The following NR2F1-AS1 variants were observed in gnomAD, a reference collection of about 807,000 sequenced individuals.
The protein encoded by NR2F1-AS1 is NR2F1 antisense RNA 1.
At chr5:93,472,074 C>T (rs1004830906) in intron 4 of NR2F1-AS1, among the ~76,000 whole-genome samples, 1 of 151,690 alleles carries the variant, frequency 6.6e-6, no homozygotes, top group Admixed American at 6.6e-5. Context: ...GGAACTGAAG[C>T]TCAGAGAGAT....
chr5:93,461,562 CAA>C (rs913428058), intron 4 of NR2F1-AS1, among the ~76,000 whole-genome samples: 2 of 151,286 alleles, frequency 1.3e-5, no homozygotes, highest in African/African-American at 2.4e-5. Context: ...AACTGAGTTA[CAA>C]AAAAAATAAG....
upstream of NR2F1-AS1, among the ~76,000 whole-genome samples, chr5:93,581,735 C>CT (rs1753057693): frequency 3.7e-5 from 1 of 26,778 alleles, no homozygotes; most frequent in African/African-American, 3.2e-4. Context: ...TCTCTCTCTC[C>CT]CCCTCTCCCT....
chr5:93,581,854 C>T (rs1183878226), upstream of NR2F1-AS1, among the ~76,000 whole-genome samples: 4 of 39,806 alleles, frequency 1.0e-4, no homozygotes, highest in African/African-American at 2.0e-4. Context: ...TCTCTCTCTC[C>T]TCTCTCTCTC....
intron 4 of NR2F1-AS1, among the ~76,000 whole-genome samples, chr5:93,439,545 C>G (rs1418564529): frequency 6.6e-6 from 1 of 152,230 alleles, no homozygotes; most frequent in Non-Finnish European, 1.5e-5. Flanking sequence ...CCACCCGCCT[C>G]GGCCTCCCAA....
chr5:93,530,075 CTTTTTTT>C (rs1227046832), intron 4 of NR2F1-AS1, among the ~76,000 whole-genome samples: 2 of 97,914 alleles, frequency 2.0e-5, no homozygotes, highest in Admixed American at 2.4e-4. Flanking sequence ...AATTTGAAGG[CTTTTTTT>C]TTTTTTTTTT....
At chr5:93,553,916 T>A (rs1254651571) in intron 3 of NR2F1-AS1, 2 of 152,176 alleles carry the variant, frequency 1.3e-5, no homozygotes, top group African/African-American at 4.8e-5. Flanking sequence ...TAAAATGATC[T>A]ATACAGAAAT....
At chr5:93,570,170 GTT>G (rs1193287915) in intron 1 of NR2F1-AS1, 1 of 152,198 alleles carries the variant, frequency 6.6e-6, no homozygotes, top group Non-Finnish European at 1.5e-5. Flanking sequence ...GCAGATGGGT[GTT>G]TTAAAAAGTG....
intron 4 of NR2F1-AS1, among the ~76,000 whole-genome samples, chr5:93,540,689 C>T (rs1751932139): frequency 6.6e-6 from 1 of 151,990 alleles, no homozygotes; most frequent in African/African-American, 2.4e-5. Flanking sequence ...GGAACATATC[C>T]TAGAAATGTG....
At chr5:93,585,249 G>T, upstream of NR2F1-AS1, 1 of 1,569,978 alleles carries the variant, frequency 6.4e-7, no homozygotes, top group Non-Finnish European at 8.6e-7. Context: ...GGGCCCGCCC[G>T]GTTCGGGCCA....
At chr5:93,446,690 T>G (rs1186318717) in intron 4 of NR2F1-AS1, among the ~76,000 whole-genome samples, 2 of 152,116 alleles carry the variant, frequency 1.3e-5, no homozygotes, top group Non-Finnish European at 2.9e-5. Context: ...TTCACAGAAT[T>G]GGAAAAAACT....
At chr5:93,550,442 A>G (rs978865831) in intron 4 of NR2F1-AS1, among the ~76,000 whole-genome samples, 2 of 152,220 alleles carry the variant, frequency 1.3e-5, no homozygotes, top group Non-Finnish European at 2.9e-5. Context: ...TTGGGTATTT[A>G]GGGAAAACTA....
chr5:93,476,905 G>A (rs985263627), intron 4 of NR2F1-AS1, among the ~76,000 whole-genome samples: 2 of 152,094 alleles, frequency 1.3e-5, no homozygotes, highest in Non-Finnish European at 1.5e-5. Context: ...CAATTAGTTG[G>A]TCTTTTTACT....
chr5:93,507,484 A>G (rs968353127), intron 4 of NR2F1-AS1, among the ~76,000 whole-genome samples: 1 of 152,114 alleles, frequency 6.6e-6, no homozygotes, highest in African/African-American at 2.4e-5. Context: ...CAGCCCCCCA[A>G]GTAGCTGGGA....
chr5:93,549,998 G>A (rs1053727037), intron 4 of NR2F1-AS1, among the ~76,000 whole-genome samples: 1 of 151,990 alleles, frequency 6.6e-6, no homozygotes, highest in East Asian at 1.9e-4. Context: ...ATAGCATTAG[G>A]AGAAATACCT....
At chr5:93,502,679 T>A (rs1447827265) in intron 4 of NR2F1-AS1, among the ~76,000 whole-genome samples, 1 of 151,984 alleles carries the variant, frequency 6.6e-6, no homozygotes, top group East Asian at 1.9e-4. Context: ...AGGAGAGCAG[T>A]TTTTTTGCCA....
At chr5:93,536,246 T>C (rs972029110) in intron 4 of NR2F1-AS1, among the ~76,000 whole-genome samples, 3 of 151,946 alleles carry the variant, frequency 2.0e-5, no homozygotes, top group African/African-American at 7.3e-5. Context: ...AAGTGAAAGA[T>C]CCCTACACTG....
chr5:93,488,852 T>C (rs1198984869), intron 4 of NR2F1-AS1, among the ~76,000 whole-genome samples: 2 of 152,160 alleles, frequency 1.3e-5, no homozygotes, highest in East Asian at 3.8e-4. Context: ...CCAACCCAAA[T>C]GTCCATCAAT....
chr5:93,427,376 A>T (rs931747800), intron 4 of NR2F1-AS1, among the ~76,000 whole-genome samples: 1 of 152,226 alleles, frequency 6.6e-6, no homozygotes. Flanking sequence ...AAGTCCCTAC[A>T]GTTGTCCCTC....
At chr5:93,522,965 T>A (rs1484996015) in intron 4 of NR2F1-AS1, among the ~76,000 whole-genome samples, 1 of 151,456 alleles carries the variant, frequency 6.6e-6, no homozygotes, top group Non-Finnish European at 1.5e-5. Context: ...TTTTTTTTCA[T>A]ATCCCAGTGG....
Sources: gnomAD v4.1 joint callset for allele counts (sites outside exome capture counted in the v4.1 genomes callset) on GRCh38, gnomAD v4.1.1 for gene constraint, MANE v1.5 for transcripts, NCBI Gene and HGNC (gene_info 2026-07-23, HGNC 2026-07-21) for gene names.